The following CLK4 variants were observed in gnomAD, a reference collection of about 807,000 sequenced individuals.
CLK4 encodes the protein dual specificity protein kinase CLK4.
Under a neutral mutation model 64.4 loss-of-function variants are expected in CLK4, and 37 were observed. The ratio of observed to expected loss-of-function variants is 0.57; its 90% CI spans 0.44 to 0.76. The LOEUF is 0.76. CLK4 is among the 30% of genes least tolerant of loss of function. The pLI is 0.00. For synonymous variants in CLK4, 175 were observed against 191.6 expected (o/e 0.91, Z 0.72); for missense variants, 457 against 605.1 (o/e 0.76, Z 2.57).
chr5:178,623,135 C>T, intron 2 of CLK4, 121 bp downstream of exon 2: 1 of 993,848 alleles, frequency 1.0e-6, no homozygotes, highest in East Asian at 2.5e-5. Context: ...CAAATATTTT[C>T]TAAACGAATA....
rs779784938 is a variant in CLK4, at chr5:178,612,489, A to G, written c.978T>C (p.Ser326=). The G allele has an allele frequency of 2.5e-6, 4 of 1,614,056 alleles. No individual in the cohort carries two copies. Among genetic ancestry groups the G allele is most frequent in the East Asian group, 2.2e-5 (1 of 44,874 alleles). Residue 326 remains serine (S), a synonymous_variant, in exon 9 of 13, where the codon AGT becomes AGC. Coordinates refer to ENST00000316308, the MANE Select transcript of CLK4 (RefSeq NM_020666.3). ...TGTGATGTTCATCATCATACGTTGC[A>G]CTTCCAAAGTCAACAACTTTGATAT... ...NTDIKVVDFG[S]ATYDDEHHST... is the part of the protein sequence containing the mutation.
chr5:178,610,090 A>G (rs924164081), intron 9 of CLK4, among the ~76,000 whole-genome samples: 1 of 151,760 alleles, frequency 6.6e-6, no homozygotes, highest in Non-Finnish European at 1.5e-5. Context: ...GGAGTTGGAG[A>G]CCAGCCTGGC....
rs145652021 is a variant in CLK4, at chr5:178,623,971, A to G, written c.1-555T>C. 4.6e-4 allele frequency among the ~76,000 whole-genome samples: 70 copies of G among 152,330 alleles called. 1 individual carries two copies. Among genetic ancestry groups the G allele is most frequent in the Admixed American group, 3.1e-3 (48 of 15,304 alleles). Reference sequence around the variant, plus strand: ...CATGCAGCTTTGGCAAAGTACTGTAATACAAATAACTGAAGTGCAAGACAA... The same window carrying G: ...CATGCAGCTTTGGCAAAGTACTGTAGTACAAATAACTGAAGTGCAAGACAA... On this transcript the variant is annotated intron_variant, in intron 1 of 12. Transcript: ENST00000316308.
chr5:178,616,773 G>T, intron 5 of CLK4, 109 bp downstream of exon 5: 2 of 815,880 alleles, frequency 2.5e-6, no homozygotes, highest in Non-Finnish European at 4.0e-6. Context: ...TCAAGCCTGG[G>T]CAACAGAGGC....
intron 10 of CLK4, among the ~76,000 whole-genome samples, chr5:178,607,507 CTTTTTTTTT>C (rs70997615): frequency 7.7e-5 from 6 of 78,078 alleles, no homozygotes; most frequent in African/African-American, 3.0e-4. Flanking sequence ...TACACTTTGT[CTTTTTTTTT>C]TTTTTTTTTT....
intron 10 of CLK4, among the ~76,000 whole-genome samples, chr5:178,607,908 G>T (rs1764491253): frequency 2.0e-5 from 3 of 152,128 alleles, no homozygotes; most frequent in Non-Finnish European, 2.9e-5. Context: ...GAAAGATGTT[G>T]TCTCTTCACC....
intron 5 of CLK4, among the ~76,000 whole-genome samples, chr5:178,614,235 G>C (rs1240020991): frequency 1.3e-5 from 2 of 152,234 alleles, no homozygotes; most frequent in Non-Finnish European, 2.9e-5. Flanking sequence ...AAAAGACGGG[G>C]TGTGTCCCTA....
intron 2 of CLK4, chr5:178,620,508 CAA>C: frequency 2.6e-6 from 1 of 382,994 alleles, no homozygotes; most frequent in South Asian, 1.8e-5. Flanking sequence ...ATTATATAAA[CAA>C]AGTCTACAGA....
At chr5:178,619,749 T>A in intron 2 of CLK4, 1 of 1,266,944 alleles carries the variant, frequency 7.9e-7, no homozygotes, top group Non-Finnish European at 1.0e-6. Flanking sequence ...GGCCTCAGGA[T>A]GTCAATGGAT....
In CLK4 at chr5:178,613,514, T is replaced by C; in HGVS notation, c.785A>G (p.His262Arg). The C allele has an allele frequency of 6.2e-7, 1 of 1,610,628 alleles. No homozygotes were observed. The highest frequency in any genetic ancestry group is 8.5e-7 in the Non-Finnish European group (1 of 1,178,764). Residue 262 changes from histidine (H) to arginine (R), a missense_variant, in exon 7 of 13, where the codon CAC becomes CGC. Transcript: ENST00000316308. ...GATCTGATACGCCATCTGCCTGATG[T>C]GGTCAATTTGAAATGGCAGAAAGCT... The part of the protein sequence containing the change: ...ENSFLPFQID[H>R]IRQMAYQICQ...
At chr5:178,613,439 TAAATAA>T in intron 7 of CLK4, 28 bp downstream of exon 7, 1 of 1,293,266 alleles carries the variant, frequency 7.7e-7, no homozygotes. Context: ...AATAAATAAA[TAAATAA>T]AAATAAAGAT....
chr5:178,620,329 T>C (rs966680386), intron 2 of CLK4: 14 of 240,560 alleles, frequency 5.8e-5, no homozygotes, highest in African/African-American at 2.7e-4. Flanking sequence ...AATCCTTCTA[T>C]TAGAAAAAAC....
At chr5:178,618,854 G>A in intron 2 of CLK4, 76 bp from the exon 3 acceptor site, 2 of 1,206,946 alleles carry the variant, frequency 1.7e-6, no homozygotes, top group Non-Finnish European at 2.3e-6. Flanking sequence ...CATTTTCTCA[G>A]AAATTCTTAA....
intron 5 of CLK4, among the ~76,000 whole-genome samples, chr5:178,614,381 G>T (rs1041700071): frequency 6.6e-6 from 1 of 152,188 alleles, no homozygotes; most frequent in African/African-American, 2.4e-5. Flanking sequence ...AGGTAAAGGA[G>T]ACCCCAACTC....
chr5:178,617,308 T>C lies in CLK4; in HGVS notation c.475+36A>G. ...CTATTCTTAAAAAGATTATTCTTTC[T>C]GCAAAGTTTAAAAAGTGTTGAAAAA... On this transcript the variant is annotated intron_variant, in intron 4 of 12. Coordinates refer to ENST00000316308, the MANE Select transcript of CLK4 (RefSeq NM_020666.3). The surrounding 1 kb of genome is among the most constrained non-coding windows in gnomAD (Gnocchi z 5.2). The C allele has an allele frequency of 1.3e-6, 2 of 1,504,764 alleles. No homozygotes were observed. Among genetic ancestry groups the C allele is most frequent in the Non-Finnish European group, 1.9e-6 (2 of 1,080,358 alleles). 93.2% of individuals were successfully genotyped at this position (1,504,764 alleles called of 1,614,324 possible).
At chr5:178,619,998 C>G (rs1490512818) in intron 2 of CLK4, 1 of 413,798 alleles carries the variant, frequency 2.4e-6, no homozygotes, top group Non-Finnish European at 5.1e-6. Context: ...CTCACCAACC[C>G]CTTTCCTTTC....
At chr5:178,615,032 G>A (rs602451) in intron 5 of CLK4, among the ~76,000 whole-genome samples, 52,736 of 151,928 alleles carry the variant, frequency 0.35, 10,083 homozygotes, top group Non-Finnish European at 0.45. Context: ...CCCAATAAAG[G>A]AAACATTCCA....
chr5:178,614,297 T>C (rs1764597614), intron 5 of CLK4, among the ~76,000 whole-genome samples: 1 of 152,192 alleles, frequency 6.6e-6, no homozygotes, highest in Non-Finnish European at 1.5e-5. Context: ...CTTAGACTTC[T>C]TCACAGAAGA....
rs772872790 is a variant in CLK4, at chr5:178,612,558, A to C, written c.922-13T>G. On this transcript the variant is annotated splice_polypyrimidine_tract_variant and intron_variant, in intron 8 of 12. Transcript: ENST00000316308. Reference sequence around the variant, plus strand: ...GTTCATCACGTTTCTAGAGAGACACAGTTGAGTAAACATGAAACTCAATAG... The same window carrying C: ...GTTCATCACGTTTCTAGAGAGACACCGTTGAGTAAACATGAAACTCAATAG... 2.5e-6 allele frequency: 4 copies of C among 1,612,388 alleles called. No homozygotes were observed. The East Asian group carries it at 8.9e-5, about 36-fold the overall frequency.
Sources: gnomAD v4.1 joint callset for allele counts (sites outside exome capture counted in the v4.1 genomes callset) on GRCh38, gnomAD v4.1.1 for gene constraint, Gnocchi (gnomAD v3.1) non-coding constraint, MANE v1.5 for transcripts, NCBI Gene and HGNC (gene_info 2026-07-23, HGNC 2026-07-21) for gene names.